SCARA3: variants seen among roughly 807,000 people sequenced by gnomAD.
SCARA3 encodes cellular stress response gene protein.
SCARA3 carries 39 observed loss-of-function variants against 47.0 expected under a neutral mutation model. The observed-to-expected ratio is 0.83, with a 90% confidence interval of 0.64 to 1.08. The LOEUF is 1.08. SCARA3 is among the 50% of genes least tolerant of loss of function. SCARA3 has a pLI of 0.00. For synonymous variants in SCARA3, 356 were observed against 334.1 expected, an observed-to-expected ratio of 1.07 and a Z score of -0.71; for missense variants, 724 against 792.3, an observed-to-expected ratio of 0.91 and a Z score of 1.04.
At chr8:27,668,327 T>A (rs1015309707) in intron 5 of SCARA3, among the ~76,000 whole-genome samples, 1 of 148,612 alleles carries the variant, frequency 6.7e-6, no homozygotes, top group Non-Finnish European at 1.5e-5. Context: ...GATCATGAGG[T>A]CAGGAGATCG....
chr8:27,676,107 C>T, downstream of SCARA3, among the ~76,000 whole-genome samples: 1 of 152,152 alleles, frequency 6.6e-6, no homozygotes, highest in Non-Finnish European at 1.5e-5. Flanking sequence ...CGCTCAAGGC[C>T]ACATAGATGT....
intron 5 of SCARA3, among the ~76,000 whole-genome samples, chr8:27,663,370 G>A (rs1300517934): frequency 6.6e-6 from 1 of 152,238 alleles, no homozygotes; most frequent in Admixed American, 6.5e-5. Context: ...GGCCACAGGT[G>A]CAGGCTGGGA....
At chr8:27,651,873 G>A (rs917286484) in intron 3 of SCARA3, among the ~76,000 whole-genome samples, 1 of 152,194 alleles carries the variant, frequency 6.6e-6, no homozygotes, top group African/African-American at 2.4e-5. Context: ...GTAATGAGAT[G>A]ATACGACCAG....
At chr8:27,674,725 C>CTTT (rs71553874), downstream of SCARA3, among the ~76,000 whole-genome samples, 354 of 106,244 alleles carry the variant, frequency 3.3e-3, 3 homozygotes, top group East Asian at 5.1e-3. Flanking sequence ...TTTTCTCTCT[C>CTTT]TTTTTTTTTT....
chr8:27,639,989 G>C (rs1287296209), intron 1 of SCARA3, among the ~76,000 whole-genome samples: 1 of 151,924 alleles, frequency 6.6e-6, no homozygotes, highest in Non-Finnish European at 1.5e-5. Flanking sequence ...GCAGGGCCCA[G>C]CTCAAAGGAT....
the SCARA3 span, among the ~76,000 whole-genome samples, chr8:27,700,324 A>G: frequency 2.0e-5 from 3 of 152,280 alleles, 1 homozygote; most frequent in Non-Finnish European, 4.4e-5. Flanking sequence ...AGAAAAAGAC[A>G]TGCAGCTCAA....
Position 27,671,315 on chromosome 8 carries a change from G to A in SCARA3, c.1785G>A (p.Gly595=), listed in dbSNP as rs1802150725. ...PGIQGPPGLP[G]PPGPPGSQSF... ...TCCAGGGTCCCCCTGGTCTCCCGGG[G>A]CCTCCAGGTCCACCAGGAAGCCAGA... is the stretch of plus-strand genomic sequence containing the variant. The change falls in exon 6 of 6, where the codon GGG becomes GGA. Residue 595 remains glycine (G), a synonymous_variant. Transcript: ENST00000301904. The A allele has an allele frequency of 1.4e-6, 2 of 1,430,382 alleles. No individual in the cohort carries two copies. Among genetic ancestry groups the A allele is most frequent in the Non-Finnish European group, 1.8e-6 (2 of 1,091,944 alleles). The allele number at this position is 1,430,382 out of a possible 1,614,324, so 88.6% of individuals were successfully genotyped here.
In SCARA3 at chr8:27,659,275, A is replaced by G. The variant is rs1801836433; in HGVS notation, c.1105A>G (p.Asn369Asp). 1 of 1,614,156 alleles carries G rather than the reference A, an allele frequency of 6.2e-7. No homozygotes were observed. The highest frequency in any genetic ancestry group is 1.3e-5 in the African/African-American group (1 of 75,022). The change falls in exon 5 of 6, where the codon AAC becomes GAC. Residue 369 changes from asparagine (N) to aspartate (D), a missense_variant. Asn to Asp is a conservative substitution (Grantham distance 23). Transcript: ENST00000301904. The stretch of plus-strand genomic sequence containing the variant: ...CTTCACCAACATCAATGCCACCGAC[A>G]ACCACGTGCACAGCATGCTCAAGTA... ...TIFTNINATD[N>D]HVHSMLKYLD...
At chr8:27,663,405 G>A (rs148171282) in intron 5 of SCARA3, among the ~76,000 whole-genome samples, 1,779 of 152,302 alleles carry the variant, frequency 0.012, 19 homozygotes, top group Non-Finnish European at 0.019. Flanking sequence ...TAGCAGGAGC[G>A]GGACCCCTGG....
intron 3 of SCARA3, among the ~76,000 whole-genome samples, chr8:27,652,509 C>G (rs1349312196): frequency 6.6e-6 from 1 of 152,150 alleles, no homozygotes; most frequent in Admixed American, 6.5e-5. Flanking sequence ...CCGAGGGGGG[C>G]CCCCTGCTCT....
chr8:27,713,114 A>G, the SCARA3 span, among the ~76,000 whole-genome samples: 3 of 152,244 alleles, frequency 2.0e-5, no homozygotes, highest in African/African-American at 7.2e-5. Context: ...TGTGATCTCA[A>G]TAACAGCTTT....
In SCARA3 at chr8:27,665,496, C is replaced by T. The variant is rs566903168; in HGVS notation, c.1370-5404C>T. On this transcript the variant is annotated intron_variant, in intron 5 of 5. Transcript: ENST00000301904. ...GAATTGTAGACTAAAACCATCATAA[C>T]GTATTAGCTAAATGACCTGGGGCGG... is the stretch of plus-strand genomic sequence containing the variant. Among the ~76,000 whole-genome samples, 8 of 152,322 alleles carry T rather than the reference C, an allele frequency of 5.3e-5. No individual in the cohort carries two copies. The East Asian group carries it at 5.8e-4, about 11-fold the overall frequency.
chr8:27,672,773 T>C lies in SCARA3; in HGVS notation c.*1422T>C. The C allele has an allele frequency of 2.0e-6, 2 of 985,590 alleles. No individual in the cohort carries two copies. Among genetic ancestry groups the C allele is most frequent in the Non-Finnish European group, 2.4e-6 (2 of 830,034 alleles). The allele number at this position is 985,590 out of a possible 1,614,324, so 61.1% of individuals were successfully genotyped here. A position where few individuals can be genotyped will look rare whatever the true frequency, so the allele number is the denominator to read the frequency against. On this transcript the variant is annotated 3_prime_UTR_variant, in exon 6 of 6. Transcript: ENST00000301904. ...ACACTCTAAAGCTGCTTTGCCTTCA[T>C]GTTCAAACAGATTCAGGCACCACCC...
intron 4 of SCARA3, among the ~76,000 whole-genome samples, chr8:27,658,262 G>A (rs978755635): frequency 2.0e-5 from 3 of 152,172 alleles, no homozygotes; most frequent in African/African-American, 7.2e-5. Flanking sequence ...TGGTGAGAAG[G>A]AGGAAACATC....
chr8:27,638,206 G>A (rs1260979502), intron 1 of SCARA3, among the ~76,000 whole-genome samples: 1 of 152,182 alleles, frequency 6.6e-6, no homozygotes, highest in East Asian at 1.9e-4. Context: ...CAGTTTCCGT[G>A]AAGGACAGGC....
chr8:27,650,762 T>C (rs1043420314), intron 2 of SCARA3, among the ~76,000 whole-genome samples: 6 of 152,200 alleles, frequency 3.9e-5, no homozygotes, highest in Admixed American at 3.9e-4. Flanking sequence ...ATTCAACTGG[T>C]GGACCATGAC....
At chr8:27,713,446 C>T in the SCARA3 span, among the ~76,000 whole-genome samples, 148 of 152,298 alleles carry the variant, frequency 9.7e-4, no homozygotes, top group African/African-American at 3.4e-3. Flanking sequence ...AAGCGTTTCA[C>T]GGAGATGTAC....
intron 5 of SCARA3, among the ~76,000 whole-genome samples, chr8:27,666,048 C>G (rs1802008541): frequency 6.6e-6 from 1 of 152,204 alleles, no homozygotes; most frequent in Non-Finnish European, 1.5e-5. Context: ...CTGAAGTGTT[C>G]AGGAGTTTAC....
At chr8:27,639,443 T>G in intron 1 of SCARA3, among the ~76,000 whole-genome samples, 3 of 148,334 alleles carry the variant, frequency 2.0e-5, no homozygotes, top group Non-Finnish European at 3.0e-5. Context: ...TGGGGAGGAG[T>G]TGGATGGGGT....
Sources: gnomAD v4.1 joint callset for allele counts (sites outside exome capture counted in the v4.1 genomes callset) on GRCh38, gnomAD v4.1.1 for gene constraint, MANE v1.5 for transcripts, NCBI Gene and HGNC (gene_info 2026-07-23, HGNC 2026-07-21) for gene names.